KIF7: variants seen among roughly 807,000 people sequenced by gnomAD.
KIF7 encodes kinesin-like protein KIF7.
A neutral mutation model predicts 135.7 loss-of-function variants in KIF7; 104 were observed. That is an observed-to-expected ratio of 0.77 (90% CI 0.65 to 0.90). KIF7 has a LOEUF of 0.90. Among genes scored for constraint, KIF7 ranks in the 40% least tolerant of loss-of-function variants. The pLI is 0.00. For missense variants in KIF7, 2,005 were observed against 1,839.1 expected (o/e 1.09, Z -1.65); for synonymous variants, 883 against 809.4 (o/e 1.09, Z -1.54).
chr15:89,644,978 T>A (rs375683364), intron 10 of KIF7, 35 bp downstream of exon 10: 44 of 1,604,520 alleles, frequency 2.7e-5, no homozygotes, highest in Non-Finnish European at 3.3e-5. Context: ...GAAGTCCCCC[T>A]CGGGTGAGAG....
intron 3 of KIF7, 56 bp downstream of exon 3, chr15:89,649,685 C>T (rs1020523644): frequency 3.3e-6 from 5 of 1,519,618 alleles, no homozygotes; most frequent in Non-Finnish European, 4.4e-6. Context: ...CCACTCCAAA[C>T]AGGTGAAGCC....
chr15:89,634,999 C>G (rs1963773790), intron 11 of KIF7, among the ~76,000 whole-genome samples: 1 of 152,244 alleles, frequency 6.6e-6, no homozygotes, highest in Non-Finnish European at 1.5e-5. Flanking sequence ...CAGACTGCCT[C>G]CTCAAGTGGG....
chr15:89,623,908 G>A (rs80127545), downstream of KIF7: 5,291 of 1,613,994 alleles, frequency 3.3e-3, 149 homozygotes, highest in African/African-American at 0.062. Flanking sequence ...TAAGAGGCAA[G>A]GTACTCAGCC....
In KIF7 at chr15:89,633,152, C is replaced by A. The variant is rs1381354317; in HGVS notation, c.2707G>T (p.Glu903Ter). The A allele has an allele frequency of 6.2e-7, 1 of 1,603,206 alleles. No individual in the cohort carries two copies. Among genetic ancestry groups the A allele is most frequent in the Non-Finnish European group, 8.5e-7 (1 of 1,179,694 alleles). ...CAGCCTGGCCCCACCTGCTGCTGTT[C>A]CAGGCTGACCACAGAGCCGTTGCTG... ...SGSNGSVVSL[E>*]QQQKIEEQKK... Residue 903 changes from glutamate (E) to a stop codon, truncating the protein, a stop_gained, in exon 13 of 19, where the codon GAA becomes TAA. Coordinates refer to ENST00000394412, the MANE Select transcript of KIF7 (RefSeq NM_198525.3). LOFTEE classifies it high-confidence loss of function.
At chr15:89,638,734 G>T (rs1315183460) in intron 11 of KIF7, among the ~76,000 whole-genome samples, 1 of 151,786 alleles carries the variant, frequency 6.6e-6, no homozygotes, top group East Asian at 1.9e-4. Flanking sequence ...GTAATTTACA[G>T]ATTCAATGCC....
Position 89,629,410 on chromosome 15 carries a change from T to C in KIF7, c.3482A>G (p.Glu1161Gly). 6.2e-7 allele frequency: 1 copy of C among 1,605,780 alleles called. No homozygotes were observed. Among genetic ancestry groups the C allele is most frequent in the Non-Finnish European group, 8.5e-7 (1 of 1,179,486 alleles). Residue 1161 changes from glutamate to glycine, a missense_variant, in exon 17 of 19, where the codon GAG becomes GGG. Transcript: ENST00000394412. Reference protein sequence around the residue: ...RQLTLQQKEHEQNMQLLLQQS... With the variant: ...RQLTLQQKEHGQNMQLLLQQS... Reference sequence around the variant, plus strand: ...CTGCAGGAGCAGCTGCATGTTCTGCTCGTGCTCCTTCTGCTGCAGGGTCAG... The same window carrying C: ...CTGCAGGAGCAGCTGCATGTTCTGCCCGTGCTCCTTCTGCTGCAGGGTCAG...
chr15:89,630,685 G>A (rs1963655397), intron 15 of KIF7, 192 bp from the exon 16 acceptor site: 7 of 647,964 alleles, frequency 1.1e-5, no homozygotes, highest in South Asian at 1.7e-5. Flanking sequence ...TGAGCTGGGG[G>A]CACTGCTCAG....
Position 89,648,704 on chromosome 15 carries a change from C to T in KIF7, c.994G>A (p.Asp332Asn), listed in dbSNP as rs1315039116. Reference sequence around the variant, plus strand: ...AGGGTGTTGAGGGTCTCGTCGAAGTCGGAGGAGGAAGGGCTGACGCAGGCG... The same window carrying T: ...AGGGTGTTGAGGGTCTCGTCGAAGTTGGAGGAGGAAGGGCTGACGCAGGCG... ...MIACVSPSSS[D>N]FDETLNTLNY... Residue 332 changes from aspartate to asparagine, a missense_variant, in exon 5 of 19, where the codon GAC becomes AAC. By Grantham distance (23) the Asp-to-Asn change is conservative (BLOSUM62 1). Coordinates refer to ENST00000394412, the MANE Select transcript of KIF7 (RefSeq NM_198525.3). 9 of 1,536,056 alleles carry T rather than the reference C, an allele frequency of 5.9e-6. No homozygotes were observed. Among genetic ancestry groups the T allele is most frequent in the Non-Finnish European group, 7.9e-6 (9 of 1,146,494 alleles).
upstream of KIF7, among the ~76,000 whole-genome samples, chr15:89,657,095 C>T (rs1964214408): frequency 6.6e-6 from 1 of 152,096 alleles, no homozygotes; most frequent in Non-Finnish European, 1.5e-5. Context: ...ATCCCTTCAG[C>T]CCAGGAGTTT....
Position 89,628,327 on chromosome 15 carries a change from G to C in KIF7, c.*92C>G. 2 of 1,481,738 alleles carry C rather than the reference G, an allele frequency of 1.3e-6. No individual in the cohort carries two copies. The highest frequency in any genetic ancestry group is 2.3e-5 in the East Asian group (1 of 43,876). The allele number at this position is 1,481,738 out of a possible 1,614,324, so 91.8% of individuals were successfully genotyped here. On this transcript the variant is annotated 3_prime_UTR_variant, in exon 19 of 19. Transcript: ENST00000394412. ...ATGAGGGCCTGGATTTAGGGTGTGC[G>C]GTAAGGACTGCCCTTCACAGAAGCA...
downstream of KIF7, among the ~76,000 whole-genome samples, chr15:89,626,614 G>A (rs1323475383): frequency 6.6e-6 from 1 of 152,048 alleles, no homozygotes; most frequent in Non-Finnish European, 1.5e-5. Flanking sequence ...GGGGCCTTTG[G>A]TGGTTCAGTT....
upstream of KIF7, among the ~76,000 whole-genome samples, chr15:89,657,750 A>G (rs1220304069): frequency 1.3e-5 from 2 of 152,230 alleles, no homozygotes; most frequent in African/African-American, 4.8e-5. Context: ...CATGAGCTTC[A>G]GAAGAGCAAA....
chr15:89,640,585 G>T (rs1223888381), intron 11 of KIF7, among the ~76,000 whole-genome samples: 1 of 152,040 alleles, frequency 6.6e-6, no homozygotes, highest in Non-Finnish European at 1.5e-5. Context: ...ATTGTCTCTT[G>T]GACATTTGAA....
chr15:89,635,551 G>A (rs1469575759), intron 11 of KIF7, among the ~76,000 whole-genome samples: 1 of 152,236 alleles, frequency 6.6e-6, no homozygotes, highest in Non-Finnish European at 1.5e-5. Context: ...AGGAGCTGAT[G>A]CGATCAACTG....
chr15:89,633,831 T>C lies in KIF7; in HGVS notation c.2447A>G (p.Gln816Arg), dbSNP rs1596068885. Reference protein sequence around the residue: ...ATERLVSLSAQSEKRLQELER... With the variant: ...ATERLVSLSARSEKRLQELER... Reference sequence around the variant, plus strand: ...GAGCTCCTGCAGTCGCTTCTCACTCTGGGCCGACAGTGACACCAGCCGCTC... The same window carrying C: ...GAGCTCCTGCAGTCGCTTCTCACTCCGGGCCGACAGTGACACCAGCCGCTC... The change falls in exon 12 of 19, where the codon CAG becomes CGG. Residue 816 changes from glutamine (Q) to arginine (R), a missense_variant. Coordinates refer to ENST00000394412, the MANE Select transcript of KIF7 (RefSeq NM_198525.3). 1 of 1,613,452 alleles carries C rather than the reference T, an allele frequency of 6.2e-7. No homozygotes were observed. Among genetic ancestry groups the C allele is most frequent in the Non-Finnish European group, 8.5e-7 (1 of 1,180,026 alleles).
In KIF7 at chr15:89,642,392, C is replaced by T. The variant is rs1476697597; in HGVS notation, c.2205G>A (p.Gln735=). 2.5e-6 allele frequency: 4 copies of T among 1,601,850 alleles called. No individual in the cohort carries two copies. The highest frequency in any genetic ancestry group is 1.7e-5 in the Admixed American group (1 of 58,942). ...GELVRTGKAA[Q]ALNRQHSQRI... is the part of the protein sequence containing the mutation. ...GCTGGCTGTGCTGGCGGTTCAGGGC[C>T]TGAGCTGCCTTTCCTGGAAGAAAGC... Residue 735 remains glutamine, a synonymous_variant, in exon 11 of 19, where the codon CAG becomes CAA. Coordinates refer to ENST00000394412, the MANE Select transcript of KIF7 (RefSeq NM_198525.3).
chr15:89,660,757 A>G, the KIF7 span, among the ~76,000 whole-genome samples: 5,602 of 152,236 alleles, frequency 0.037, 329 homozygotes, highest in African/African-American at 0.12. Flanking sequence ...TCCCTGTCCC[A>G]TTGATGTGGA....
At chr15:89,637,418 T>C (rs1434870535) in intron 11 of KIF7, among the ~76,000 whole-genome samples, 7 of 151,678 alleles carry the variant, frequency 4.6e-5, no homozygotes, top group African/African-American at 1.7e-4. Flanking sequence ...ATCAACAAAA[T>C]TGATAGACCA....
chr15:89,660,562 C>T, the KIF7 span, among the ~76,000 whole-genome samples: 31 of 152,270 alleles, frequency 2.0e-4, no homozygotes, highest in South Asian at 1.0e-3. Flanking sequence ...AAATCATTCA[C>T]GACAGAACAG....
Sources: gnomAD v4.1 joint callset for allele counts (sites outside exome capture counted in the v4.1 genomes callset) on GRCh38, gnomAD v4.1.1 for gene constraint, MANE v1.5 for transcripts, NCBI Gene and HGNC (gene_info 2026-07-23, HGNC 2026-07-21) for gene names.